The following FNBP1L variants were observed in gnomAD, a reference collection of about 807,000 sequenced individuals.
The protein encoded by FNBP1L is formin-binding protein 1-like.
FNBP1L carries 36 observed loss-of-function variants against 91.2 expected under a neutral mutation model. That is an observed-to-expected ratio of 0.39 (90% CI 0.30 to 0.52). The LOEUF (loss-of-function observed/expected upper bound fraction) is 0.52, where lower values mean the gene tolerates loss of function less well. Among genes scored for constraint, FNBP1L ranks in the 20% least tolerant of loss-of-function variants. The pLI, the probability that FNBP1L is intolerant of heterozygous loss-of-function variation, is 0.66. For missense variants in FNBP1L, 571 were observed against 732.1 expected (o/e 0.78, Z 2.54); for synonymous variants, 242 against 237.0 (o/e 1.02, Z -0.19).
At chr1:93,469,016 GC>G (rs1458806185) in intron 1 of FNBP1L, among the ~76,000 whole-genome samples, 1 of 151,846 alleles carries the variant, frequency 6.6e-6, no homozygotes, top group African/African-American at 2.4e-5. Flanking sequence ...ATAATATTGA[GC>G]ATCTTTTCTT....
At chr1:93,530,043 A>T (rs1671623607) in intron 6 of FNBP1L, among the ~76,000 whole-genome samples, 1 of 152,198 alleles carries the variant, frequency 6.6e-6, no homozygotes, top group Non-Finnish European at 1.5e-5. Flanking sequence ...GAAAGCTAAG[A>T]TGTGTTGATG....
chr1:93,460,496 T>C (rs1451984135), intron 1 of FNBP1L, among the ~76,000 whole-genome samples: 1 of 152,206 alleles, frequency 6.6e-6, no homozygotes, highest in Non-Finnish European at 1.5e-5. Context: ...AGTGAATGAA[T>C]GGATAAAGAA....
At chr1:93,549,463 T>G (rs770459243) in intron 15 of FNBP1L, 37 bp downstream of exon 15, 7 of 1,479,772 alleles carry the variant, frequency 4.7e-6, no homozygotes, top group Admixed American at 5.4e-5. Flanking sequence ...GTAAAAAAAT[T>G]GGTTCTTTAA....
chr1:93,454,497 A>G (rs1288016711), intron 1 of FNBP1L, among the ~76,000 whole-genome samples: 5 of 152,246 alleles, frequency 3.3e-5, no homozygotes, highest in Admixed American at 6.5e-5. Flanking sequence ...TCTGGGTTTT[A>G]GAAGATGAAA....
intron 2 of FNBP1L, among the ~76,000 whole-genome samples, chr1:93,512,355 C>G (rs1359253314): frequency 6.6e-6 from 1 of 151,714 alleles, no homozygotes; most frequent in Non-Finnish European, 1.5e-5. Context: ...CAACATTAGA[C>G]AAATCAACGA....
At chr1:93,495,849 CTG>C (rs1670243060) in intron 1 of FNBP1L, among the ~76,000 whole-genome samples, 2 of 152,312 alleles carry the variant, frequency 1.3e-5, no homozygotes, top group South Asian at 2.1e-4. Flanking sequence ...TGAAAATGAT[CTG>C]TGTCATGTGC....
chr1:93,524,726 A>T (rs1405890020), intron 5 of FNBP1L, among the ~76,000 whole-genome samples: 1 of 151,844 alleles, frequency 6.6e-6, no homozygotes, highest in East Asian at 1.9e-4. Flanking sequence ...CCTTTAACTT[A>T]ACACTTGATG....
chr1:93,519,884 T>C (rs927997943), intron 2 of FNBP1L, among the ~76,000 whole-genome samples: 43 of 152,140 alleles, frequency 2.8e-4, no homozygotes, highest in Non-Finnish European at 5.4e-4. Context: ...GCCCAGGAGT[T>C]TGAGGCTACA....
At chr1:93,524,393 T>A (rs1363284415) in intron 5 of FNBP1L, 70 bp downstream of exon 5, 5 of 1,096,786 alleles carry the variant, frequency 4.6e-6, no homozygotes, top group Non-Finnish European at 6.3e-6. Context: ...ACTTTTATGC[T>A]TCATATCTAT....
At chr1:93,469,020 C>CTTTTCT (rs1298029873) in intron 1 of FNBP1L, among the ~76,000 whole-genome samples, 1 of 151,888 alleles carries the variant, frequency 6.6e-6, no homozygotes, top group African/African-American at 2.4e-5. Flanking sequence ...TATTGAGCAT[C>CTTTTCT]TTTTCTTGTG....
chr1:93,516,272 C>T (rs1034875915), intron 2 of FNBP1L, among the ~76,000 whole-genome samples: 3 of 152,136 alleles, frequency 2.0e-5, no homozygotes, highest in Admixed American at 1.3e-4. Flanking sequence ...AGAAAACATC[C>T]TGGAAGGGGG....
chr1:93,548,963 G>A (rs1672322171), intron 14 of FNBP1L, among the ~76,000 whole-genome samples: 1 of 152,130 alleles, frequency 6.6e-6, no homozygotes, highest in African/African-American at 2.4e-5. Context: ...TTGGGATGAT[G>A]GAAGACAAGG....
chr1:93,550,780 A>G (rs992399842), intron 15 of FNBP1L, among the ~76,000 whole-genome samples, 167 bp from the exon 16 acceptor site: 3 of 152,244 alleles, frequency 2.0e-5, no homozygotes, highest in Non-Finnish European at 4.4e-5. Flanking sequence ...TGTATATGAA[A>G]GTGCTGGGTA....
intron 11 of FNBP1L, among the ~76,000 whole-genome samples, chr1:93,542,024 T>G (rs77536595): frequency 0.013 from 2,019 of 152,288 alleles, 44 homozygotes; most frequent in African/African-American, 0.046. Context: ...CCACAGTATG[T>G]TGAAATGCAT....
chr1:93,496,650 T>C (rs1670271164), intron 1 of FNBP1L, among the ~76,000 whole-genome samples: 1 of 152,162 alleles, frequency 6.6e-6, no homozygotes, highest in South Asian at 2.1e-4. Flanking sequence ...GAGATTCTCT[T>C]GCCTCGGCCT....
intron 5 of FNBP1L, among the ~76,000 whole-genome samples, chr1:93,524,938 C>T (rs1464402977): frequency 2.0e-5 from 3 of 151,772 alleles, no homozygotes; most frequent in Non-Finnish European, 4.4e-5. Context: ...TAAAAATTTC[C>T]CCAAGGCACT....
chr1:93,490,305 G>A (rs1670050829), intron 1 of FNBP1L, among the ~76,000 whole-genome samples: 1 of 152,136 alleles, frequency 6.6e-6, no homozygotes, highest in Admixed American at 6.6e-5. Context: ...ACATAATGTG[G>A]ACATTTATGT....
chr1:93,534,324 A>G (rs1422076696), intron 8 of FNBP1L, among the ~76,000 whole-genome samples: 1 of 152,136 alleles, frequency 6.6e-6, no homozygotes, highest in Admixed American at 6.5e-5. Flanking sequence ...TATCTTTTAA[A>G]GCAAAAAGCC....
At chr1:93,479,194 C>T (rs901102042) in intron 1 of FNBP1L, among the ~76,000 whole-genome samples, 14 of 152,042 alleles carry the variant, frequency 9.2e-5, no homozygotes, top group Non-Finnish European at 4.4e-5. Context: ...CCAAAACCAG[C>T]AGGTTTTTAT....
Sources: allele counts gnomAD v4.1 joint callset (sites outside exome capture counted in the v4.1 genomes callset), GRCh38; gene constraint gnomAD v4.1.1; transcripts MANE v1.5; gene names NCBI Gene and HGNC (gene_info 2026-07-23, HGNC 2026-07-21).